Variants in EBF1 observed in about 807,000 individuals in gnomAD.
The protein encoded by EBF1 is EBF transcription factor 1.
In EBF1, 10 loss-of-function variants were observed where a neutral mutation model predicts 68.4. The observed-to-expected ratio is 0.15, with a 90% CI of 0.09 to 0.25. The LOEUF (loss-of-function observed/expected upper bound fraction) is 0.25. EBF1 is among the 10% of genes least tolerant of loss of function. The pLI, the probability that EBF1 is intolerant of heterozygous loss-of-function variation, is 1.00. For synonymous variants in EBF1, 298 were observed against 299.8 expected (o/e 0.99, Z 0.06); for missense variants, 509 against 794.4 (o/e 0.64, Z 4.32).
At chr5:159,070,816 T>C (rs1282513636) in intron 6 of EBF1, among the ~76,000 whole-genome samples, 2 of 152,216 alleles carry the variant, frequency 1.3e-5, no homozygotes, top group Non-Finnish European at 2.9e-5. Context: ...GCAGGCCTCA[T>C]AGCCTATTTT....
At chr5:158,741,599 A>G (rs1766432298) in intron 10 of EBF1, among the ~76,000 whole-genome samples, 1 of 151,502 alleles carries the variant, frequency 6.6e-6, no homozygotes, top group Non-Finnish European at 1.5e-5. Flanking sequence ...AAAAAGCAGT[A>G]TAATGTAATA....
intron 6 of EBF1, among the ~76,000 whole-genome samples, chr5:158,937,737 G>C (rs1812354512): frequency 6.6e-6 from 1 of 152,196 alleles, no homozygotes. Context: ...AGCTGAGAAA[G>C]AGAGTGTGAG....
At chr5:158,701,063 C>T (rs1756639731) in intron 15 of EBF1, among the ~76,000 whole-genome samples, 1 of 152,262 alleles carries the variant, frequency 6.6e-6, no homozygotes, top group Admixed American at 6.5e-5. Context: ...TGTGTGACAG[C>T]CCAGCATGGC....
intron 10 of EBF1, among the ~76,000 whole-genome samples, chr5:158,767,317 A>G (rs1241491657): frequency 6.6e-6 from 1 of 152,164 alleles, no homozygotes; most frequent in Non-Finnish European, 1.5e-5. Context: ...TCACAATTAT[A>G]TAATTTGGTT....
chr5:159,024,444 C>G (rs781391779), intron 6 of EBF1, among the ~76,000 whole-genome samples: 15 of 152,062 alleles, frequency 9.9e-5, no homozygotes, highest in Non-Finnish European at 1.5e-4. Context: ...ACAGTCCTAT[C>G]GAAAACCAAA....
intron 6 of EBF1, among the ~76,000 whole-genome samples, chr5:158,849,108 T>C (rs1002997560): frequency 8.5e-5 from 13 of 152,366 alleles, no homozygotes; most frequent in Admixed American, 2.0e-4. Context: ...GACAACTCTT[T>C]ACATTCAAAT....
chr5:159,030,015 G>C (rs1185459195), intron 6 of EBF1, among the ~76,000 whole-genome samples: 1 of 150,160 alleles, frequency 6.7e-6, no homozygotes, highest in Non-Finnish European at 1.5e-5. Flanking sequence ...GTAAATAATA[G>C]TTGAAAATGA....
At chr5:158,742,519 A>G (rs949443421) in intron 10 of EBF1, among the ~76,000 whole-genome samples, 2 of 152,240 alleles carry the variant, frequency 1.3e-5, no homozygotes, top group Non-Finnish European at 2.9e-5. Context: ...TGCTAGAAAC[A>G]GGGGCAGGTG....
At chr5:158,830,491 G>A (rs749656425) in intron 7 of EBF1, among the ~76,000 whole-genome samples, 1 of 152,036 alleles carries the variant, frequency 6.6e-6, no homozygotes, top group Non-Finnish European at 1.5e-5. Context: ...GGATGGTCTC[G>A]ATCTCTTGAG....
intron 10 of EBF1, among the ~76,000 whole-genome samples, chr5:158,773,380 G>T (rs1774295304): frequency 6.6e-6 from 1 of 152,164 alleles, no homozygotes; most frequent in Admixed American, 6.5e-5. Context: ...CTAATACACA[G>T]GAATGTGGGT....
At chr5:158,820,844 GGGA>G (rs2127844995) in intron 8 of EBF1, among the ~76,000 whole-genome samples, 1 of 152,300 alleles carries the variant, frequency 6.6e-6, no homozygotes, top group African/African-American at 2.4e-5. Flanking sequence ...TATCTGAGCT[GGGA>G]GGAAGCTTAG....
chr5:158,748,861 A>G (rs541889996), intron 10 of EBF1, among the ~76,000 whole-genome samples: 1 of 152,308 alleles, frequency 6.6e-6, no homozygotes, highest in South Asian at 2.1e-4. Flanking sequence ...GCTTGTAAAT[A>G]GAGCCTGGCA....
At chr5:159,026,378 G>A (rs373778281) in intron 6 of EBF1, among the ~76,000 whole-genome samples, 2 of 152,144 alleles carry the variant, frequency 1.3e-5, no homozygotes, top group South Asian at 2.1e-4. Flanking sequence ...AAATAGCCAG[G>A]TCAGTGTAAG....
intron 6 of EBF1, among the ~76,000 whole-genome samples, chr5:158,994,878 C>A (rs1259957250): frequency 2.0e-5 from 3 of 152,154 alleles, no homozygotes; most frequent in Non-Finnish European, 4.4e-5. Context: ...TCTCTAAGTT[C>A]ATTTTGATTA....
intron 6 of EBF1, among the ~76,000 whole-genome samples, chr5:159,053,980 T>C (rs1180626507): frequency 6.6e-6 from 1 of 152,254 alleles, no homozygotes; most frequent in African/African-American, 2.4e-5. Context: ...TGGAAGGGGT[T>C]GCTGGCCCAA....
intron 6 of EBF1, among the ~76,000 whole-genome samples, chr5:159,057,293 G>A (rs1175075830): frequency 6.6e-6 from 1 of 151,954 alleles, no homozygotes; most frequent in African/African-American, 2.4e-5. Context: ...TTTTAGTAGA[G>A]ACGAGGTTTT....
At chr5:158,921,817 A>G (rs1357507549) in intron 6 of EBF1, among the ~76,000 whole-genome samples, 3 of 152,228 alleles carry the variant, frequency 2.0e-5, no homozygotes, top group Non-Finnish European at 4.4e-5. Context: ...CCTCTCCCTT[A>G]TGACATGGCC....
Position 158,961,590 on chromosome 5 carries a change from GA to G in EBF1, c.554+111805del, listed in dbSNP as rs11420297. 4.6e-5 allele frequency among the ~76,000 whole-genome samples: 7 copies of G among 151,852 alleles called. 1 individual carries two copies. The highest frequency in any genetic ancestry group is 2.6e-4 in the Admixed American group (4 of 15,256). ...CTGATATATACAGAGAAAATATTCT[GA>G]AAAAAATACAGATGTTAAAAAGATG... is the stretch of plus-strand genomic sequence containing the variant. On this transcript the variant is annotated intron_variant, in intron 6 of 15. Transcript: ENST00000313708.
intron 6 of EBF1, among the ~76,000 whole-genome samples, chr5:158,999,413 G>A (rs1007684356): frequency 6.6e-6 from 1 of 152,146 alleles, no homozygotes; most frequent in Admixed American, 6.6e-5. Flanking sequence ...CCAGTTAAAG[G>A]ATCTGTCTTC....
Sources: gnomAD v4.1 joint callset for allele counts (sites outside exome capture counted in the v4.1 genomes callset) on GRCh38, gnomAD v4.1.1 for gene constraint, MANE v1.5 for transcripts, NCBI Gene and HGNC (gene_info 2026-07-23, HGNC 2026-07-21) for gene names.